Variants in PLPP2 observed in about 807,000 individuals in gnomAD.
The protein encoded by PLPP2 is PAP2-gamma.
In PLPP2, 29 loss-of-function variants were observed where a neutral mutation model predicts 35.2. That is an observed-to-expected ratio of 0.82 (90% CI 0.61 to 1.12). The LOEUF (loss-of-function observed/expected upper bound fraction) is 1.12, where lower values mean the gene tolerates loss of function less well. Ranked by LOEUF, PLPP2 falls within the 50% of genes most tolerant of loss-of-function variation. The probability of loss-of-function intolerance (pLI) is 0.00; values close to 1 mark genes in which losing one functional copy is unlikely to be tolerated. For synonymous variants in PLPP2, 162 were observed against 167.0 expected, an observed-to-expected ratio of 0.97 and a Z score of 0.23; for missense variants, 353 against 375.2, an observed-to-expected ratio of 0.94 and a Z score of 0.49.
chr19:286,520 A>C (rs1410278486), intron 3 of PLPP2: 1 of 152,184 alleles, frequency 6.6e-6, no homozygotes, highest in Non-Finnish European at 1.5e-5. Context: ...GATATAACCT[A>C]AGCAAACCTC....
intron 3 of PLPP2, chr19:285,294 TAGTGGTAC>T (rs1252123685): frequency 1.3e-5 from 2 of 150,956 alleles, no homozygotes; most frequent in African/African-American, 4.9e-5. Context: ...TAGCTGGGCA[TAGTGGTAC>T]ACACTTGTAA....
In PLPP2 at chr19:281,379, G is replaced by C. The variant is rs1303720364; in HGVS notation, c.*9C>G. On this transcript the variant is annotated 3_prime_UTR_variant, in exon 6 of 6. Transcript: ENST00000434325. Reference sequence around the variant, plus strand: ...TCACAGCAGCTCCCTGCCTGGGCGGGGTCCGGCCTCAGGAGGAGGAGTGCG... The same window carrying C: ...TCACAGCAGCTCCCTGCCTGGGCGGCGTCCGGCCTCAGGAGGAGGAGTGCG... The C allele has an allele frequency of 7.2e-7, 1 of 1,397,748 alleles. No homozygotes were observed. The highest frequency in any genetic ancestry group is 1.5e-5 in the African/African-American group (1 of 67,542). 86.6% of individuals were successfully genotyped at this position (1,397,748 alleles called of 1,614,324 possible). A position where few individuals can be genotyped will look rare whatever the true frequency, so the allele number is the denominator to read the frequency against.
Position 287,070 on chromosome 19 carries a change from T to C in PLPP2, c.482+404A>G, listed in dbSNP as rs145465254. 1.5e-3 allele frequency: 267 copies of C among 178,340 alleles called. 3 individuals carry two copies. Among genetic ancestry groups the C allele is most frequent in the East Asian group, 1.9e-3 (12 of 6,416 alleles). The allele number at this position is 178,340 out of a possible 1,614,324, so 11.0% of individuals were successfully genotyped here. On this transcript the variant is annotated intron_variant, in intron 3 of 5. Transcript: ENST00000434325. The surrounding 1 kb of genome is among the most constrained non-coding windows in gnomAD (Gnocchi z 4.3). The stretch of plus-strand genomic sequence containing the variant: ...CATAAACAGGTTGAAAGTCCAAGAA[T>C]GGAAAAAAAAAATATTCCATGCAAA...
At chr19:286,001 A>G (rs1487101975) in intron 3 of PLPP2, 1 of 150,442 alleles carries the variant, frequency 6.6e-6, no homozygotes, top group Non-Finnish European at 1.5e-5. Flanking sequence ...GTAAATGAAA[A>G]TACAAAAATT....
Position 288,065 on chromosome 19 carries a change from G to A in PLPP2, c.159C>T (p.Thr53=), listed in dbSNP as rs1970305850. 1.2e-6 allele frequency: 2 copies of A among 1,613,886 alleles called. No homozygotes were observed. Among genetic ancestry groups the A allele is most frequent in the Non-Finnish European group, 1.7e-6 (2 of 1,179,978 alleles). Residue 53 remains threonine (T), a synonymous_variant, in exon 2 of 6, where the codon ACC becomes ACT. Coordinates refer to ENST00000434325, the MANE Select transcript of PLPP2 (RefSeq NM_003712.4). ...IRYPYRPDTI[T]HGLMAGVTIT... is the part of the protein sequence containing the mutation. ...TGGTGACCCCAGCCATGAGCCCGTG[G>A]GTGATGGTATCTGGACGGTAGGGGT...
intron 3 of PLPP2, chr19:285,350 G>T (rs1305222204): frequency 6.6e-6 from 1 of 151,940 alleles, no homozygotes; most frequent in East Asian, 1.9e-4. Flanking sequence ...AGAATCTCTT[G>T]AACCCGGGAG....
chr19:283,693 G>A (rs1280533017), intron 3 of PLPP2: 1 of 152,260 alleles, frequency 6.6e-6, no homozygotes, highest in East Asian at 1.9e-4. Context: ...CCGAAGCTAA[G>A]CTCTCACGTC....
At position 287,583 on chromosome 19, in the gene PLPP2, G is replaced by C; in HGVS notation, c.373C>G (p.Pro125Ala). Residue 125 changes from proline (P) to alanine (A), a missense_variant, in exon 3 of 6, where the codon CCC (proline) becomes GCC (alanine). By Grantham distance (27) the Pro-to-Ala change is conservative (BLOSUM62 -1). Transcript: ENST00000434325. The surrounding 1 kb of genome is among the most constrained non-coding windows in gnomAD (Gnocchi z 4.3). ...GGGTCGCAGACGGCTAGGAAGTTGG[G>C]CCTCAGACGCCCAATCATGTACTTG... ...LAKYMIGRLR[P>A]NFLAVCDPDW... 6.2e-7 allele frequency: 1 copy of C among 1,613,856 alleles called. No individual in the cohort carries two copies. The highest frequency in any genetic ancestry group is 8.5e-7 in the Non-Finnish European group (1 of 1,180,032).
chr19:290,075 T>C (rs1178705060), intron 1 of PLPP2, among the ~76,000 whole-genome samples: 1 of 152,114 alleles, frequency 6.6e-6, no homozygotes, highest in African/African-American at 2.4e-5. Context: ...TCTCTTCATT[T>C]AGCCCCCGGG....
In PLPP2 at chr19:287,333, CACTA is replaced by C. The variant is rs1970285745; in HGVS notation, c.482+137_482+140del. On this transcript the variant is annotated intron_variant, in intron 3 of 5. Coordinates refer to ENST00000434325, the MANE Select transcript of PLPP2 (RefSeq NM_003712.4). The surrounding 1 kb of genome is among the most constrained non-coding windows in gnomAD (Gnocchi z 4.3). ...TGAACTTCAAAAACATACAAGAATG[CACTA>C]ACTTATACAAAAATTAGCCGGGCGT... 3.0e-6 allele frequency: 3 copies of C among 1,010,786 alleles called. No homozygotes were observed. Among genetic ancestry groups the C allele is most frequent in the African/African-American group, 1.6e-5 (1 of 61,914 alleles). The allele number at this position is 1,010,786 out of a possible 1,614,324, so 62.6% of individuals were successfully genotyped here. A position where few individuals can be genotyped will look rare whatever the true frequency, so the allele number is the denominator to read the frequency against.
rs371543087 is a variant in PLPP2 at position 291,276 on chromosome 19, G to C, written c.52+9C>G. ...GTCCCCCCAACACCCGGGTCCCCAA[G>C]GCTCTTACCGACCAGTAAGCACAGC... On this transcript the variant is annotated intron_variant, in intron 1 of 5. Transcript: ENST00000434325. The C allele has an allele frequency of 1.9e-6, 3 of 1,601,246 alleles. No homozygotes were observed. The highest frequency in any genetic ancestry group is 3.4e-5 in the Admixed American group (2 of 59,086).
At chr19:288,970 C>CT (rs897354574) in intron 1 of PLPP2, among the ~76,000 whole-genome samples, 30 of 152,312 alleles carry the variant, frequency 2.0e-4, no homozygotes, top group African/African-American at 7.0e-4. Flanking sequence ...GCTGAGACAC[C>CT]TTCGCTCACG....
chr19:287,627 T>C lies in PLPP2; in HGVS notation c.329A>G (p.Gln110Arg), dbSNP rs763726576. ...GTFLFGAAVSQSLTDLAKYMI... is the reference protein window; with the variant it reads ...GTFLFGAAVSRSLTDLAKYMI... ...GTACTTGGCCAGGTCTGTCAGAGAC[T>C]GGCTCACGGCAGCCCCAAACAGGAA... The change falls in exon 3 of 6, where the codon CAG (glutamine) becomes CGG (arginine). Residue 110 changes from glutamine to arginine, a missense_variant. Coordinates refer to ENST00000434325, the MANE Select transcript of PLPP2 (RefSeq NM_003712.4). This position sits in a 1 kb window ranked among gnomAD's most constrained non-coding sequence, Gnocchi z 4.3. The C allele has an allele frequency of 6.2e-7, 1 of 1,613,922 alleles. No individual in the cohort carries two copies. Among genetic ancestry groups the C allele is most frequent in the South Asian group, 1.1e-5 (1 of 91,080 alleles).
chr19:281,478 C>T lies in PLPP2; in HGVS notation c.777G>A (p.Glu259=). 1 of 1,556,708 alleles carries T rather than the reference C, an allele frequency of 6.4e-7. No homozygotes were observed. Among genetic ancestry groups the T allele is most frequent in the Non-Finnish European group, 8.7e-7 (1 of 1,149,906 alleles). Residue 259 remains glutamate, a synonymous_variant, in exon 6 of 6, where the codon GAG becomes GAA. Transcript: ENST00000434325. ...ACAGGCTGGGCTTCCGTTCCAGCTC[C>T]TCCTCCTTCAGACAGTGCTGTGGGG... The part of the protein sequence containing the change: ...ARPPQHCLKE[E]ELERKPSLSL...
At chr19:285,815 T>G (rs1186418773) in intron 3 of PLPP2, 3 of 151,202 alleles carry the variant, frequency 2.0e-5, no homozygotes, top group Admixed American at 2.0e-4. Flanking sequence ...ATACAAAAAG[T>G]TAGTCGGGCG....
chr19:289,580 G>A (rs762370181), intron 1 of PLPP2, among the ~76,000 whole-genome samples: 14 of 152,200 alleles, frequency 9.2e-5, no homozygotes, highest in Non-Finnish European at 1.3e-4. Context: ...TGGGTGTGGC[G>A]GTGTCCCAGC....
intron 4 of PLPP2, among the ~76,000 whole-genome samples, 153 bp downstream of exon 4, chr19:282,599 C>A (rs559838620): frequency 2.0e-5 from 3 of 152,062 alleles, no homozygotes; most frequent in Admixed American, 6.5e-5. Context: ...AAACACTGGT[C>A]AGCCCAGGGC....
At position 282,296 on chromosome 19, in the gene PLPP2, T is replaced by C. The variant is rs1193731502; in HGVS notation, c.555A>G (p.Ala185=). The part of the protein sequence containing the change: ...CMVFLALYVQ[A]RLCWKWARLL... ...GCCGTGCCCACTTCCAACAGAGTCG[T>C]GCCTGCACATACAGCTGGAGTGGGG... The change falls in exon 5 of 6, where the codon GCA becomes GCG. Residue 185 remains alanine, a synonymous_variant. Coordinates refer to ENST00000434325, the MANE Select transcript of PLPP2 (RefSeq NM_003712.4). 2 of 1,613,604 alleles carry C rather than the reference T, an allele frequency of 1.2e-6. No individual in the cohort carries two copies. The highest frequency in any genetic ancestry group is 2.2e-5 in the East Asian group (1 of 44,858).
rs1038174119 is a variant in PLPP2, at chr19:287,940, A to AC, written c.204+79dup. ...CAGACCTCCAGGGCAGGGCTGTGCC[A>AC]CCCCCCCATCAGGCCCCCAGGGTAA... On this transcript the variant is annotated intron_variant, in intron 2 of 5. Transcript: ENST00000434325. The surrounding 1 kb of genome is among the most constrained non-coding windows in gnomAD (Gnocchi z 4.3). 106 of 1,529,896 alleles carry AC rather than the reference A, an allele frequency of 6.9e-5. 1 individual carries two copies. The African/African-American group carries it at 7.4e-4, about 11-fold the overall frequency. The allele number at this position is 1,529,896 out of a possible 1,614,324, so 94.8% of individuals were successfully genotyped here. A position where few individuals can be genotyped will look rare whatever the true frequency, so the allele number is the denominator to read the frequency against.
Sources: gnomAD v4.1 joint callset for allele counts (sites outside exome capture counted in the v4.1 genomes callset) on GRCh38, gnomAD v4.1.1 for gene constraint, Gnocchi (gnomAD v3.1) non-coding constraint, MANE v1.5 for transcripts, NCBI Gene and HGNC (gene_info 2026-07-23, HGNC 2026-07-21) for gene names.